The following MGMT variants were observed in gnomAD, a reference collection of about 807,000 sequenced individuals.
The protein encoded by MGMT is methylated-DNA--protein-cysteine methyltransferase.
In MGMT, 14 loss-of-function variants were observed where a neutral mutation model predicts 15.9. That is an observed-to-expected ratio of 0.88 (90% CI 0.58 to 1.37). The LOEUF (loss-of-function observed/expected upper bound fraction) is 1.37, where lower values mean the gene tolerates loss of function less well. Among genes scored for constraint, MGMT ranks in the 40% most tolerant of loss-of-function variants. The probability of loss-of-function intolerance (pLI) is 0.00; values close to 1 mark genes in which losing one functional copy is unlikely to be tolerated. For missense variants in MGMT, 282 were observed against 268.1 expected, an observed-to-expected ratio of 1.05 and a Z score of -0.36; for synonymous variants, 130 against 118.2, an observed-to-expected ratio of 1.10 and a Z score of -0.65.
chr10:129,722,526 A>G (rs1848383576), intron 3 of MGMT, among the ~76,000 whole-genome samples: 1 of 152,240 alleles, frequency 6.6e-6, no homozygotes, highest in Admixed American at 6.5e-5. Flanking sequence ...ATTTAAAACA[A>G]TCTTGAAAAA....
At chr10:129,498,936 T>A (rs1845549428) in intron 1 of MGMT, among the ~76,000 whole-genome samples, 1 of 152,254 alleles carries the variant, frequency 6.6e-6, no homozygotes, top group Non-Finnish European at 1.5e-5. Flanking sequence ...TTTCTGTGTC[T>A]GCTGTCTGCA....
chr10:129,636,152 C>G (rs897100861), intron 2 of MGMT, among the ~76,000 whole-genome samples: 9 of 152,210 alleles, frequency 5.9e-5, no homozygotes, highest in African/African-American at 1.9e-4. Context: ...CTTCACAACA[C>G]TTTGCTCTGG....
intron 1 of MGMT, among the ~76,000 whole-genome samples, chr10:129,504,213 G>T (rs1845602765): frequency 6.6e-6 from 1 of 152,216 alleles, no homozygotes; most frequent in Admixed American, 6.5e-5. Context: ...TATGTACCTG[G>T]AACACAGCAG....
chr10:129,513,612 C>T (rs568082768), intron 1 of MGMT, among the ~76,000 whole-genome samples: 21 of 152,158 alleles, frequency 1.4e-4, no homozygotes, highest in African/African-American at 4.8e-4. Flanking sequence ...TTCAGAGCCT[C>T]GGGGACCACC....
At chr10:129,525,068 A>T (rs1845854714) in intron 1 of MGMT, among the ~76,000 whole-genome samples, 2 of 152,184 alleles carry the variant, frequency 1.3e-5, no homozygotes, top group Non-Finnish European at 2.9e-5. Flanking sequence ...CAATTTGTTA[A>T]AACTGTACAC....
intron 1 of MGMT, among the ~76,000 whole-genome samples, chr10:129,478,740 C>T (rs2152150): frequency 0.16 from 24,315 of 152,138 alleles, 2,956 homozygotes; most frequent in African/African-American, 0.33. Flanking sequence ...TTTGGGGGGC[C>T]CAGCTGTGCA....
intron 3 of MGMT, among the ~76,000 whole-genome samples, chr10:129,755,868 G>A (rs1387243036): frequency 2.6e-5 from 4 of 152,202 alleles, no homozygotes; most frequent in African/African-American, 7.2e-5. Context: ...CACAGCGGTG[G>A]CAGAGCCAGG....
At chr10:129,536,487 C>G in intron 2 of MGMT, 110 bp downstream of exon 2, 1 of 1,364,264 alleles carries the variant, frequency 7.3e-7, no homozygotes, top group South Asian at 1.5e-5. Context: ...ATAGCCTTAC[C>G]CCCACAACCG....
rs753912943 is a variant in MGMT at position 129,769,537 on chromosome 10, C to G, written c.*2540C>G. 6.6e-6 allele frequency: 1 copy of G among 151,854 alleles called. No individual in the cohort carries two copies. The highest frequency in any genetic ancestry group is 1.5e-5 in the Non-Finnish European group (1 of 68,054). The allele number at this position is 151,854 out of a possible 1,614,324, so 9.4% of individuals were successfully genotyped here. A position where few individuals can be genotyped will look rare whatever the true frequency, so the allele number is the denominator to read the frequency against. ...GGCCGACACCGAGACCCGCCGTGCACGACAGCCACCTCGCAGCCACTCAGA... is the reference window on the plus strand; with the variant it reads ...GGCCGACACCGAGACCCGCCGTGCAGGACAGCCACCTCGCAGCCACTCAGA... On this transcript the variant is annotated 3_prime_UTR_variant, in exon 5 of 5. Coordinates refer to ENST00000651593, the MANE Select transcript of MGMT (RefSeq NM_002412.5).
rs1198531628 is a variant in MGMT, at chr10:129,532,876, A to G, written c.-12-3365A>G. On this transcript the variant is annotated intron_variant, in intron 1 of 4. Coordinates refer to ENST00000651593, the MANE Select transcript of MGMT (RefSeq NM_002412.5). This position sits in a 1 kb window ranked among gnomAD's most constrained non-coding sequence, Gnocchi z 5.3. Reference sequence around the variant, plus strand: ...TGTCTGACCAGCCCCCACATGGGGCACTCCCCAGTCCGAATGTCTGCAGTG... The same window carrying G: ...TGTCTGACCAGCCCCCACATGGGGCGCTCCCCAGTCCGAATGTCTGCAGTG... Among the ~76,000 whole-genome samples, 2 of 152,142 alleles carry G rather than the reference A, an allele frequency of 1.3e-5. No homozygotes were observed. Among genetic ancestry groups the G allele is most frequent in the East Asian group, 1.9e-4 (1 of 5,150 alleles).
intron 1 of MGMT, among the ~76,000 whole-genome samples, chr10:129,474,942 AT>A (rs1845274002): frequency 6.6e-6 from 1 of 151,888 alleles, no homozygotes. Flanking sequence ...ACACCCATAC[AT>A]TTTGTAGGTA....
chr10:129,603,003 A>G (rs1846842819), intron 2 of MGMT, among the ~76,000 whole-genome samples: 1 of 152,226 alleles, frequency 6.6e-6, no homozygotes. Context: ...AGGCAACTAT[A>G]CGAACCTATG....
chr10:129,479,158 G>A (rs568503164), intron 1 of MGMT, among the ~76,000 whole-genome samples: 1 of 152,152 alleles, frequency 6.6e-6, no homozygotes, highest in Non-Finnish European at 1.5e-5. Flanking sequence ...GATATGTAGT[G>A]TTCCTTACAT....
chr10:129,745,387 G>T (rs932240023), intron 3 of MGMT, among the ~76,000 whole-genome samples: 4 of 151,762 alleles, frequency 2.6e-5, no homozygotes, highest in Admixed American at 6.6e-5. Flanking sequence ...GCCGCCCCCT[G>T]GCAGCCACGG....
intron 3 of MGMT, among the ~76,000 whole-genome samples, chr10:129,738,149 A>C (rs908149635): frequency 3.9e-5 from 6 of 152,066 alleles, no homozygotes; most frequent in African/African-American, 1.2e-4. Context: ...GCCCCTCCCC[A>C]AGCCTCGCTG....
intron 2 of MGMT, among the ~76,000 whole-genome samples, chr10:129,558,013 C>A (rs907924494): frequency 4.6e-5 from 7 of 152,196 alleles, no homozygotes; most frequent in African/African-American, 1.4e-4. Flanking sequence ...GATCTTCCCT[C>A]TGGACAGCTG....
chr10:129,628,032 A>G (rs1847170283), intron 2 of MGMT, among the ~76,000 whole-genome samples: 2 of 152,206 alleles, frequency 1.3e-5, no homozygotes. Flanking sequence ...CTAGCTGGTG[A>G]TAAATATATT....
At chr10:129,721,029 A>T (rs1235792981) in intron 3 of MGMT, among the ~76,000 whole-genome samples, 1 of 152,204 alleles carries the variant, frequency 6.6e-6, no homozygotes, top group Admixed American at 6.5e-5. Context: ...TTCAAGAGTT[A>T]CATTCAGAGT....
At chr10:129,766,469 A>G (rs79791039) in intron 4 of MGMT, among the ~76,000 whole-genome samples, 1 of 152,328 alleles carries the variant, frequency 6.6e-6, no homozygotes, top group African/African-American at 2.4e-5. Flanking sequence ...CGAACGTTGT[A>G]TATTACTCAC....
Sources: allele counts gnomAD v4.1 joint callset (sites outside exome capture counted in the v4.1 genomes callset), GRCh38; gene constraint gnomAD v4.1.1; non-coding constraint Gnocchi (gnomAD v3.1); transcripts MANE v1.5; gene names NCBI Gene and HGNC (gene_info 2026-07-23, HGNC 2026-07-21).